MGAT4C: variants seen among roughly 807,000 people sequenced by gnomAD.
MGAT4C encodes MGAT4 family member C.
A neutral mutation model predicts 40.1 loss-of-function variants in MGAT4C; 19 were observed. The observed-to-expected ratio is 0.47, with a 90% confidence interval of 0.33 to 0.70. The LOEUF (loss-of-function observed/expected upper bound fraction) is 0.70. Among genes scored for constraint, MGAT4C ranks in the 30% least tolerant of loss-of-function variants. The pLI is 0.02. For synonymous variants in MGAT4C, 181 were observed against 187.1 expected (o/e 0.97, Z 0.27); for missense variants, 491 against 563.2 (o/e 0.87, Z 1.30).
intron 1 of MGAT4C, among the ~76,000 whole-genome samples, chr12:86,211,406 C>A (rs1314068086): frequency 5.1e-4 from 18 of 35,510 alleles, no homozygotes; most frequent in East Asian, 3.2e-3. Flanking sequence ...ACTACAAATA[C>A]AAAAAAAAAA....
chr12:86,335,140 C>A (rs888886043), intron 3 of MGAT4C, among the ~76,000 whole-genome samples: 1 of 152,018 alleles, frequency 6.6e-6, no homozygotes, highest in African/African-American at 2.4e-5. Flanking sequence ...TCCATTAACT[C>A]AACAAATATA....
At chr12:86,179,871 TG>T (rs550492024) in intron 1 of MGAT4C, among the ~76,000 whole-genome samples, 62 of 152,312 alleles carry the variant, frequency 4.1e-4, no homozygotes, top group African/African-American at 1.3e-3. Context: ...ATCCATTTTT[TG>T]AGGAGAATTT....
At chr12:86,387,175 T>G (rs1018519042) in intron 3 of MGAT4C, among the ~76,000 whole-genome samples, 8 of 152,148 alleles carry the variant, frequency 5.3e-5, no homozygotes, top group Non-Finnish European at 1.0e-4. Flanking sequence ...CCTTTATGTC[T>G]TCATGAATTT....
chr12:86,072,480 C>T (rs779093656), intron 1 of MGAT4C, among the ~76,000 whole-genome samples: 4 of 151,974 alleles, frequency 2.6e-5, no homozygotes, highest in Non-Finnish European at 4.4e-5. Flanking sequence ...CAACATACAT[C>T]TGTATGTATA....
intron 3 of MGAT4C, among the ~76,000 whole-genome samples, chr12:86,343,371 G>A (rs183034945): frequency 2.6e-5 from 4 of 152,298 alleles, no homozygotes; most frequent in Admixed American, 2.6e-4. Flanking sequence ...TAGTAAGATA[G>A]ATAGGAGAAA....
intron 1 of MGAT4C, among the ~76,000 whole-genome samples, chr12:86,054,329 T>G (rs1278036025): frequency 6.6e-6 from 1 of 152,026 alleles, no homozygotes; most frequent in African/African-American, 2.4e-5. Flanking sequence ...AAGAGACAGA[T>G]ATCACATGTT....
intron 4 of MGAT4C, among the ~76,000 whole-genome samples, chr12:86,270,199 T>G (rs549764885): frequency 1.3e-5 from 2 of 152,220 alleles, no homozygotes; most frequent in South Asian, 4.2e-4. Flanking sequence ...CCCAAGTAGC[T>G]GGGATTACAG....
At chr12:86,280,240 A>G (rs1953181697) in intron 4 of MGAT4C, among the ~76,000 whole-genome samples, 1 of 152,020 alleles carries the variant, frequency 6.6e-6, no homozygotes, top group Admixed American at 6.6e-5. Flanking sequence ...GTGAGGTGTT[A>G]AAGTCTACAG....
At chr12:86,672,053 A>C (rs1964267325) in intron 2 of MGAT4C, among the ~76,000 whole-genome samples, 1 of 152,164 alleles carries the variant, frequency 6.6e-6, no homozygotes, top group Admixed American at 6.5e-5. Flanking sequence ...GAAGTGTTAA[A>C]ACATTCAGAA....
At position 86,637,401 on chromosome 12, in the gene MGAT4C, T is replaced by C. The variant is rs75780992; in HGVS notation, c.-229+89808A>G. Among the ~76,000 whole-genome samples the C allele has an allele frequency of 3.5e-3, 531 of 152,082 alleles. 1 individual carries two copies. Among genetic ancestry groups the C allele is most frequent in the African/African-American group, 0.012 (509 of 41,538 alleles). On this transcript the variant is annotated intron_variant, in intron 2 of 7. Coordinates refer to the MGAT4C transcript ENST00000548651. ...AATTCTGATTCCATTTCAATTAATG[T>C]AACAAAATTCTCTCCCTGAGTGAAT...
chr12:86,558,587 CCAGA>C (rs1233859093), intron 2 of MGAT4C, among the ~76,000 whole-genome samples: 3 of 151,978 alleles, frequency 2.0e-5, no homozygotes, highest in East Asian at 1.9e-4. Context: ...AAAATTTTTC[CCAGA>C]CAAACAAAAA....
chr12:86,037,837 G>C (rs1219879371), intron 2 of MGAT4C, among the ~76,000 whole-genome samples: 4 of 149,618 alleles, frequency 2.7e-5, no homozygotes, highest in Non-Finnish European at 6.0e-5. Context: ...TCAAGCCCTG[G>C]ATATCCTTGT....
rs373311937 is a variant in MGAT4C at position 86,742,513 on chromosome 12, G to C, written c.-261-15272C>G. Among the ~76,000 whole-genome samples, 79 of 151,566 alleles carry C rather than the reference G, an allele frequency of 5.2e-4. 1 individual carries two copies. In the South Asian group the frequency reaches 0.015, roughly 29 times the overall value. On this transcript the variant is annotated intron_variant, in intron 1 of 7. Coordinates refer to the MGAT4C transcript ENST00000548651. Reference sequence around the variant, plus strand: ...CCACCTTGCTCCATGAGTATGACATGCCTCAGTTTGCCATTTTTGCTGTAG... The same window carrying C: ...CCACCTTGCTCCATGAGTATGACATCCCTCAGTTTGCCATTTTTGCTGTAG...
intron 2 of MGAT4C, among the ~76,000 whole-genome samples, chr12:86,695,951 C>A (rs1435954943): frequency 6.6e-6 from 1 of 152,036 alleles, no homozygotes; most frequent in Non-Finnish European, 1.5e-5. Flanking sequence ...GTGGCTCATG[C>A]TTGTAATCTC....
At chr12:86,022,340 T>C (rs1324532178) in intron 2 of MGAT4C, 1 of 152,236 alleles carries the variant, frequency 6.6e-6, no homozygotes, top group South Asian at 2.1e-4. Flanking sequence ...AAGTATTGCC[T>C]TAGTTCTATC....
At chr12:86,201,601 T>G (rs539599260) in intron 1 of MGAT4C, among the ~76,000 whole-genome samples, 1 of 151,510 alleles carries the variant, frequency 6.6e-6, no homozygotes, top group Non-Finnish European at 1.5e-5. Context: ...AGGCAATGTA[T>G]GTCCTCCAAA....
intron 1 of MGAT4C, among the ~76,000 whole-genome samples, chr12:86,736,427 T>G (rs192207839): frequency 2.6e-5 from 4 of 151,960 alleles, no homozygotes; most frequent in Non-Finnish European, 1.5e-5. Flanking sequence ...GCTTAAATTT[T>G]ATTGCTAATC....
At chr12:86,389,004 T>G (rs1274920989) in intron 3 of MGAT4C, among the ~76,000 whole-genome samples, 2 of 152,066 alleles carry the variant, frequency 1.3e-5, no homozygotes, top group African/African-American at 2.4e-5. Context: ...TTGAGCATAG[T>G]TTTTTTCTTC....
At chr12:86,805,960 G>A (rs1952344760) in intron 1 of MGAT4C, among the ~76,000 whole-genome samples, 1 of 151,688 alleles carries the variant, frequency 6.6e-6, no homozygotes, top group South Asian at 2.1e-4. Flanking sequence ...TGCATTCTCT[G>A]ATGATTTAGT....
Sources: allele counts gnomAD v4.1 joint callset (sites outside exome capture counted in the v4.1 genomes callset), GRCh38; gene constraint gnomAD v4.1.1; transcripts MANE v1.5; gene names NCBI Gene and HGNC (gene_info 2026-07-23, HGNC 2026-07-21).